UBE3A: variants seen among roughly 807,000 people sequenced by gnomAD.
UBE3A encodes ubiquitin-protein ligase E3A.
UBE3A carries 6 observed loss-of-function variants against 83.4 expected under a neutral mutation model. The observed-to-expected ratio is 0.07, with a 90% CI of 0.04 to 0.14. UBE3A has a LOEUF of 0.14. Ranked by LOEUF, UBE3A falls within the 10% of genes least tolerant of loss-of-function variation. The pLI is 1.00. For synonymous variants in UBE3A, 337 were observed against 355.4 expected (o/e 0.95, Z 0.58); for missense variants, 456 against 1,036.1 (o/e 0.44, Z 7.69).
At chr15:25,380,476 C>A (rs1029788094) in intron 4 of UBE3A, among the ~76,000 whole-genome samples, 2 of 152,060 alleles carry the variant, frequency 1.3e-5, no homozygotes, top group African/African-American at 4.8e-5. Flanking sequence ...AATCATTTGG[C>A]CTCTTAACTC....
chr15:25,378,687 T>C (rs1029468874), intron 4 of UBE3A, among the ~76,000 whole-genome samples: 3 of 152,166 alleles, frequency 2.0e-5, no homozygotes, highest in East Asian at 1.9e-4. Context: ...TTTGACTATA[T>C]TGTTTTGCAG....
intron 4 of UBE3A, among the ~76,000 whole-genome samples, chr15:25,397,504 AT>A (rs1024401413): frequency 6.6e-6 from 1 of 152,056 alleles, no homozygotes; most frequent in Non-Finnish European, 1.5e-5. Flanking sequence ...GCTATCCCCC[AT>A]CTTCAACTAC....
intron 11 of UBE3A, chr15:25,354,067 TA>T: frequency 2.1e-6 from 1 of 467,152 alleles, no homozygotes. Flanking sequence ...AATTATCTTC[TA>T]ACCAGCAGTA....
intron 4 of UBE3A, among the ~76,000 whole-genome samples, chr15:25,403,551 C>G (rs957575045): frequency 1.3e-5 from 2 of 152,032 alleles, no homozygotes; most frequent in African/African-American, 4.8e-5. Context: ...AAGAGTATGG[C>G]AGTTTCTCAA....
intron 7 of UBE3A, among the ~76,000 whole-genome samples, chr15:25,358,049 T>G (rs1048133940): frequency 1.3e-5 from 2 of 151,782 alleles, no homozygotes; most frequent in Non-Finnish European, 2.9e-5. Context: ...TACAGGCGCC[T>G]GCGTGGAGGC....
intron 6 of UBE3A, among the ~76,000 whole-genome samples, chr15:25,365,524 G>A (rs1218901840): frequency 2.0e-5 from 3 of 151,846 alleles, no homozygotes; most frequent in African/African-American, 2.4e-5. Context: ...CGAGGCGGGC[G>A]GATCACGAGG....
At chr15:25,354,820 T>C (rs1352135874) in intron 9 of UBE3A, 137 bp from the exon 10 acceptor site, 19 of 799,734 alleles carry the variant, frequency 2.4e-5, no homozygotes, top group East Asian at 1.3e-4. Context: ...ATTTTACACC[T>C]ACTTCTTAAC....
At chr15:25,402,450 T>A (rs1487711442) in intron 4 of UBE3A, among the ~76,000 whole-genome samples, 1 of 152,092 alleles carries the variant, frequency 6.6e-6, no homozygotes, top group Non-Finnish European at 1.5e-5. Flanking sequence ...TGTTCTGCAG[T>A]GATGTGAGGC....
At chr15:25,341,998 CCCTTCCCTGCCCCTTT>C (rs903972788) in intron 11 of UBE3A, among the ~76,000 whole-genome samples, 1 of 152,078 alleles carries the variant, frequency 6.6e-6, no homozygotes, top group African/African-American at 2.4e-5. Context: ...CTTGCCACTT[CCCTTCCCTGCCCCTTT>C]ACAAATCCAC....
At position 25,338,323 on chromosome 15, in the gene UBE3A, C is replaced by T. The variant is rs572232257; in HGVS notation, c.*814G>A. 3.3e-5 allele frequency: 5 copies of T among 151,976 alleles called. No individual in the cohort carries two copies. 9.4% of individuals were successfully genotyped at this position (151,976 alleles called of 1,614,324 possible). The stretch of plus-strand genomic sequence containing the variant: ...TTCCCCAGTAAACTTAAAACAACAA[C>T]GAGAACAACAAGAACAAAAATCCCT... On this transcript the variant is annotated 3_prime_UTR_variant, in exon 13 of 13. Transcript: ENST00000648336.
intron 6 of UBE3A, among the ~76,000 whole-genome samples, chr15:25,366,792 C>G (rs566492399): frequency 6.6e-6 from 1 of 152,148 alleles, no homozygotes; most frequent in African/African-American, 2.4e-5. Flanking sequence ...TGCACACACA[C>G]CCCCACCTGA....
intron 7 of UBE3A, among the ~76,000 whole-genome samples, chr15:25,357,141 T>A (rs2077328196): frequency 6.6e-6 from 1 of 152,144 alleles, no homozygotes; most frequent in African/African-American, 2.4e-5. Flanking sequence ...AGTAAGTAAT[T>A]TGGTGGCATC....
At chr15:25,436,320 A>G (rs1306445196) in intron 1 of UBE3A, among the ~76,000 whole-genome samples, 5 of 152,086 alleles carry the variant, frequency 3.3e-5, no homozygotes, top group African/African-American at 7.2e-5. Context: ...ATATGTACAT[A>G]ATGTAATGTT....
chr15:25,407,078 C>A (rs2088787154), intron 3 of UBE3A: 8 of 1,350,084 alleles, frequency 5.9e-6, no homozygotes, highest in Non-Finnish European at 7.8e-6. Context: ...TGGTCTCCAC[C>A]AGCCTTGTGG....
intron 4 of UBE3A, among the ~76,000 whole-genome samples, chr15:25,404,460 A>G (rs2087948833): frequency 6.6e-6 from 1 of 152,014 alleles, no homozygotes; most frequent in South Asian, 2.1e-4. Context: ...GATAATTACT[A>G]CCTCTATTAT....
chr15:25,414,402 G>A (rs947736491), intron 1 of UBE3A, among the ~76,000 whole-genome samples: 16 of 152,100 alleles, frequency 1.1e-4, no homozygotes, highest in Admixed American at 7.2e-4. Context: ...ATAATTTCTT[G>A]CCCTCATGTG....
intron 1 of UBE3A, among the ~76,000 whole-genome samples, chr15:25,435,590 G>A (rs143704350): frequency 2.0e-5 from 3 of 152,266 alleles, no homozygotes; most frequent in Non-Finnish European, 2.9e-5. Flanking sequence ...ACTACATGAG[G>A]TAATGGTGAA....
intron 3 of UBE3A, chr15:25,408,453 A>C (rs1438145747): frequency 2.1e-6 from 2 of 961,710 alleles, no homozygotes; most frequent in African/African-American, 3.2e-5. Context: ...AACAAGTCAG[A>C]AATTTTAAAA....
intron 1 of UBE3A, among the ~76,000 whole-genome samples, chr15:25,430,983 C>G (rs921445386): frequency 1.3e-5 from 2 of 152,152 alleles, no homozygotes; most frequent in Admixed American, 6.5e-5. Flanking sequence ...ATACAGTACA[C>G]TGAGCAATAA....
Sources: allele counts gnomAD v4.1 joint callset (sites outside exome capture counted in the v4.1 genomes callset), GRCh38; gene constraint gnomAD v4.1.1; transcripts MANE v1.5; gene names NCBI Gene and HGNC (gene_info 2026-07-23, HGNC 2026-07-21).